The following CLSTN2 variants were observed in gnomAD, a reference collection of about 807,000 sequenced individuals.
The protein encoded by CLSTN2 is calsyntenin-2.
CLSTN2 carries 48 observed loss-of-function variants against 101.2 expected under a neutral mutation model. That is an observed-to-expected ratio of 0.47 (90% CI 0.38 to 0.60). The LOEUF (loss-of-function observed/expected upper bound fraction) is 0.60, where lower values mean the gene tolerates loss of function less well. CLSTN2 is among the 20% of genes least tolerant of loss of function. The pLI is 0.00. For synonymous variants in CLSTN2, 481 were observed against 463.6 expected (o/e 1.04, Z -0.48); for missense variants, 1,160 against 1,238.2 (o/e 0.94, Z 0.95).
rs1935003859 is a variant in CLSTN2 at position 139,935,533 on chromosome 3, C to A, written c.109+50C>A. The A allele has an allele frequency of 1.0e-6, 1 of 998,782 alleles. No individual in the cohort carries two copies. 61.9% of individuals were successfully genotyped at this position (998,782 alleles called of 1,614,324 possible). A position where few individuals can be genotyped will look rare whatever the true frequency, so the allele number is the denominator to read the frequency against. ...TCTCCCAGGAGGGAGGCAGGGCAGGCTTGAGGGTGAAAGCGGCAAGGACCT... is the reference window on the plus strand; with the variant it reads ...TCTCCCAGGAGGGAGGCAGGGCAGGATTGAGGGTGAAAGCGGCAAGGACCT... On this transcript the variant is annotated intron_variant, in intron 1 of 16. Transcript: ENST00000458420. The surrounding 1 kb of genome is among the most constrained non-coding windows in gnomAD (Gnocchi z 5.5).
rs148397087 is a variant in CLSTN2 at position 140,426,215 on chromosome 3, A to G, written c.787+4941A>G. 8.5e-5 allele frequency among the ~76,000 whole-genome samples: 13 copies of G among 152,264 alleles called. No individual in the cohort carries two copies. In the East Asian group the frequency reaches 2.3e-3, roughly 27 times the overall value. Reference sequence around the variant, plus strand: ...TGTGCCGTGGTGGTTTGATGTCCCTATCAACCCATCACCTAGATATTAAGC... The same window carrying G: ...TGTGCCGTGGTGGTTTGATGTCCCTGTCAACCCATCACCTAGATATTAAGC... On this transcript the variant is annotated intron_variant, in intron 5 of 16. Coordinates refer to ENST00000458420, the MANE Select transcript of CLSTN2 (RefSeq NM_022131.3).
At chr3:139,966,702 T>C (rs1490172492) in intron 1 of CLSTN2, among the ~76,000 whole-genome samples, 1 of 152,164 alleles carries the variant, frequency 6.6e-6, no homozygotes, top group Non-Finnish European at 1.5e-5. Flanking sequence ...CCCTAGAACA[T>C]GAAATAGTTG....
At chr3:140,500,457 A>G (rs1934555214) in intron 8 of CLSTN2, among the ~76,000 whole-genome samples, 1 of 152,234 alleles carries the variant, frequency 6.6e-6, no homozygotes, top group African/African-American at 2.4e-5. Flanking sequence ...AGGATTCTAC[A>G]GTCATGAATG....
At chr3:140,341,371 G>A (rs537685180) in intron 2 of CLSTN2, among the ~76,000 whole-genome samples, 25 of 152,120 alleles carry the variant, frequency 1.6e-4, no homozygotes, top group Non-Finnish European at 2.6e-4. Flanking sequence ...CTCTGACCTC[G>A]TCCCCATGCT....
At chr3:140,419,482 C>CAAAAAAAA (rs1169762724) in intron 4 of CLSTN2, among the ~76,000 whole-genome samples, 6 of 19,954 alleles carry the variant, frequency 3.0e-4, no homozygotes, top group East Asian at 3.3e-3. Flanking sequence ...GACTCTGTCT[C>CAAAAAAAA]AAAAAAAAAA....
chr3:140,029,849 C>T, intron 1 of CLSTN2, among the ~76,000 whole-genome samples: 1 of 152,128 alleles, frequency 6.6e-6, no homozygotes, highest in South Asian at 2.1e-4. Flanking sequence ...CTCTGTATCA[C>T]TTGGTTCATC....
intron 2 of CLSTN2, among the ~76,000 whole-genome samples, chr3:140,315,023 G>A (rs1559836689): frequency 2.0e-5 from 3 of 152,188 alleles, no homozygotes. Context: ...GAGAGAGTTA[G>A]ATCACTTTCC....
intron 2 of CLSTN2, among the ~76,000 whole-genome samples, chr3:140,374,961 C>T (rs905324719): frequency 1.3e-5 from 2 of 152,244 alleles, no homozygotes; most frequent in Admixed American, 6.5e-5. Context: ...TTGCATTTTG[C>T]AGAATTTAAG....
chr3:140,345,488 G>A (rs1298004642), intron 2 of CLSTN2, among the ~76,000 whole-genome samples: 2 of 151,874 alleles, frequency 1.3e-5, no homozygotes, highest in Non-Finnish European at 2.9e-5. Context: ...GACCTCAGGC[G>A]ATCCGCCTGC....
intron 4 of CLSTN2, among the ~76,000 whole-genome samples, chr3:140,413,058 A>C (rs2088383388): frequency 6.6e-6 from 1 of 152,204 alleles, no homozygotes; most frequent in African/African-American, 2.4e-5. Context: ...AACAGAAATA[A>C]TGGAAATAAA....
rs78714469 is a variant in CLSTN2, at chr3:140,014,816, C to T, written c.109+79333C>T. Among the ~76,000 whole-genome samples, 1,388 of 152,110 alleles carry T rather than the reference C, an allele frequency of 9.1e-3. 30 individuals carry two copies. The highest frequency in any genetic ancestry group is 0.032 in the African/African-American group (1,333 of 41,494). On this transcript the variant is annotated intron_variant, in intron 1 of 16. Coordinates refer to ENST00000458420, the MANE Select transcript of CLSTN2 (RefSeq NM_022131.3). ...TGATCAGTCAGAGTTTTGTGGCCAT[C>T]GTAAGAACTTTGGATTTTTCTCTGA... is the stretch of plus-strand genomic sequence containing the variant.
At position 140,484,123 on chromosome 3, in the gene CLSTN2, G is replaced by A. The variant is rs575401563; in HGVS notation, c.1344+17392G>A. 1.6e-3 allele frequency among the ~76,000 whole-genome samples: 242 copies of A among 152,246 alleles called. 1 individual carries two copies. Among genetic ancestry groups the A allele is most frequent in the African/African-American group, 4.8e-3 (200 of 41,522 alleles). The stretch of plus-strand genomic sequence containing the variant: ...TACCAGTTGTTCCTTTCCATGTTTA[G>A]TGCTTCCTTCAGGAGCTCTTTTACG... On this transcript the variant is annotated intron_variant, in intron 8 of 16. Transcript: ENST00000458420.
chr3:140,076,220 G>T (rs1320207138), intron 1 of CLSTN2, among the ~76,000 whole-genome samples: 1 of 152,166 alleles, frequency 6.6e-6, no homozygotes, highest in African/African-American at 2.4e-5. Context: ...CATCCTTGTT[G>T]TTGCCTATGG....
At chr3:139,977,565 A>G (rs941016917) in intron 1 of CLSTN2, among the ~76,000 whole-genome samples, 1 of 152,198 alleles carries the variant, frequency 6.6e-6, no homozygotes, top group Non-Finnish European at 1.5e-5. Flanking sequence ...TAGATTAAGT[A>G]TTTTGGCATC....
intron 1 of CLSTN2, among the ~76,000 whole-genome samples, chr3:139,980,794 C>A (rs942837293): frequency 6.6e-6 from 1 of 152,086 alleles, no homozygotes; most frequent in African/African-American, 2.4e-5. Context: ...GGATTGTGCA[C>A]CCACTGTGGG....
intron 2 of CLSTN2, among the ~76,000 whole-genome samples, chr3:140,275,699 C>T (rs2086788752): frequency 6.6e-6 from 1 of 152,170 alleles, no homozygotes; most frequent in African/African-American, 2.4e-5. Flanking sequence ...GTTCTGAGCT[C>T]CTGCTGTGTG....
intron 1 of CLSTN2, among the ~76,000 whole-genome samples, chr3:140,101,434 T>G (rs1315344643): frequency 6.6e-6 from 1 of 152,230 alleles, no homozygotes; most frequent in Non-Finnish European, 1.5e-5. Flanking sequence ...GACATCAGGT[T>G]GGACAGACAC....
chr3:140,027,618 C>T (rs1473135757), intron 1 of CLSTN2, among the ~76,000 whole-genome samples: 2 of 152,132 alleles, frequency 1.3e-5, no homozygotes, highest in African/African-American at 2.4e-5. Context: ...CATTCCCCAT[C>T]CTCAATCAGT....
intron 1 of CLSTN2, among the ~76,000 whole-genome samples, chr3:140,000,648 G>T (rs1250912287): frequency 6.6e-6 from 1 of 152,180 alleles, no homozygotes; most frequent in Non-Finnish European, 1.5e-5. Flanking sequence ...GTCACTATTG[G>T]ATAATGGCCG....
Sources: allele counts gnomAD v4.1 joint callset (sites outside exome capture counted in the v4.1 genomes callset), GRCh38; gene constraint gnomAD v4.1.1; non-coding constraint Gnocchi (gnomAD v3.1); transcripts MANE v1.5; gene names NCBI Gene and HGNC (gene_info 2026-07-23, HGNC 2026-07-21).